The following UBN2 variants were observed in gnomAD, a reference collection of about 807,000 sequenced individuals.
UBN2 encodes the protein ubinuclein-2.
A neutral mutation model predicts 120.2 loss-of-function variants in UBN2; 35 were observed. The ratio of observed to expected loss-of-function variants is 0.29; its 90% confidence interval spans 0.22 to 0.39. UBN2 has a LOEUF of 0.39. Ranked by LOEUF, UBN2 falls within the 10% of genes least tolerant of loss-of-function variation. UBN2 has a pLI of 1.00. For missense variants in UBN2, 1,693 were observed against 1,663.2 expected (o/e 1.02, Z -0.31); for synonymous variants, 661 against 648.7 (o/e 1.02, Z -0.29).
chr7:139,280,280 A>G (rs1307565056), intron 13 of UBN2, among the ~76,000 whole-genome samples: 1 of 152,224 alleles, frequency 6.6e-6, no homozygotes, highest in Non-Finnish European at 1.5e-5. Context: ...CACTTATGGA[A>G]TTTAGTACAT....
chr7:139,242,521 C>A (rs1245145871), intron 2 of UBN2, among the ~76,000 whole-genome samples: 1 of 152,046 alleles, frequency 6.6e-6, no homozygotes, highest in Non-Finnish European at 1.5e-5. Context: ...ATTACATGTA[C>A]AATAAAAACA....
chr7:139,272,070 CTA>C (rs983008912), intron 8 of UBN2, among the ~76,000 whole-genome samples: 27 of 152,110 alleles, frequency 1.8e-4, no homozygotes, highest in African/African-American at 6.5e-4. Flanking sequence ...TAATGGAACA[CTA>C]TTAATAATTA....
chr7:139,249,427 T>C (rs1796558936), intron 2 of UBN2, among the ~76,000 whole-genome samples: 1 of 152,208 alleles, frequency 6.6e-6, no homozygotes, highest in Non-Finnish European at 1.5e-5. Flanking sequence ...CTGGCATAAC[T>C]TTTTTCCCTC....
chr7:139,278,331 G>A (rs529268142), intron 12 of UBN2, among the ~76,000 whole-genome samples: 3 of 151,902 alleles, frequency 2.0e-5, no homozygotes, highest in East Asian at 3.9e-4. Flanking sequence ...ACAGGCGTGC[G>A]CCACCACGCC....
chr7:139,238,068 C>T (rs951970187), intron 2 of UBN2, among the ~76,000 whole-genome samples: 4 of 152,122 alleles, frequency 2.6e-5, no homozygotes, highest in African/African-American at 9.7e-5. Context: ...GTAGAAAGCC[C>T]CACTCCTCAC....
the UBN2 span, among the ~76,000 whole-genome samples, chr7:139,318,243 A>G: frequency 6.6e-6 from 1 of 152,146 alleles, no homozygotes; most frequent in African/African-American, 2.4e-5. Flanking sequence ...CTGGTGACAT[A>G]TAGTCAGGGG....
rs537477134 is a variant in UBN2 at position 139,246,809 on chromosome 7, G to C, written c.562-5147G>C. 4.4e-4 allele frequency among the ~76,000 whole-genome samples: 67 copies of C among 152,204 alleles called. 2 individuals carry two copies. The South Asian group carries it at 0.013, about 29-fold the overall frequency. On this transcript the variant is annotated intron_variant, in intron 2 of 17. Transcript: ENST00000473989. ...GCCTTTTCTAGGGTTTCCTGTAAAT[G>C]GAATCTCATGTCTTCTGCGTCTGGG...
Position 139,302,965 on chromosome 7 carries a change from T to A in UBN2, c.*5129T>A, listed in dbSNP as rs6965645. On this transcript the variant is annotated 3_prime_UTR_variant, in exon 18 of 18. Transcript: ENST00000473989. ...TTGGTAAGGTGCGCTAGACTAAACA[T>A]GTGACAAGGCTAGCGTTAGAACCGC... 1 of 152,158 alleles carries A rather than the reference T, an allele frequency of 6.6e-6. No homozygotes were observed. Among genetic ancestry groups the A allele is most frequent in the Admixed American group, 6.5e-5 (1 of 15,280 alleles). The allele number at this position is 152,158 out of a possible 1,614,324, so 9.4% of individuals were successfully genotyped here.
Position 139,261,534 on chromosome 7 carries a change from T to C in UBN2, c.1188T>C (p.Ala396=), listed in dbSNP as rs1232309163. The C allele has an allele frequency of 3.7e-6, 6 of 1,614,208 alleles. No homozygotes were observed. The highest frequency in any genetic ancestry group is 3.3e-4 in the Middle Eastern group (2 of 6,062). ...ATGAACATGAGCTGTTTCAGGAAGC[T>C]GAAAATGCCCTAGAGATGCTAGATG... ...STNEHELFQE[A]ENALEMLDDF... is the part of the protein sequence containing the mutation. Residue 396 remains alanine (A), a synonymous_variant, in exon 6 of 18, where the codon GCT becomes GCC. Transcript: ENST00000473989.
chr7:139,277,480 A>G (rs1249209802), intron 12 of UBN2: 2 of 152,236 alleles, frequency 1.3e-5, no homozygotes, highest in Admixed American at 6.5e-5. Flanking sequence ...AGAAAATGTT[A>G]AGAAAATCAT....
intron 4 of UBN2, 70 bp downstream of exon 4, chr7:139,258,695 T>C: frequency 7.4e-7 from 1 of 1,344,806 alleles, no homozygotes; most frequent in Non-Finnish European, 9.9e-7. Context: ...ATGTTACTTG[T>C]GTCACACGTG....
rs201451027 is a variant in UBN2 at position 139,231,842 on chromosome 7, C to T, written c.358C>T (p.Pro120Ser). The T allele has an allele frequency of 3.8e-4, 583 of 1,538,386 alleles. 3 individuals carry two copies. In the African/African-American group the frequency reaches 7.1e-3, roughly 19 times the overall value. The stretch of plus-strand genomic sequence containing the variant: ...GTCGGCTTCCCGGGCTGAGCAGCCG[C>T]CGCGGCCGCCGAGGGAGACGGTGCG... Reference protein sequence around the residue: ...RESASRAEQPPRPPRETVRLE... With the variant: ...RESASRAEQPSRPPRETVRLE... The change falls in exon 1 of 18, where the codon CCG (proline) becomes TCG (serine). Residue 120 changes from proline to serine, a missense_variant. Pro to Ser is a moderately conservative substitution (Grantham distance 74). Transcript: ENST00000473989.
chr7:139,279,087 T>C (rs1185261308), intron 12 of UBN2, among the ~76,000 whole-genome samples: 1 of 152,172 alleles, frequency 6.6e-6, no homozygotes, highest in Non-Finnish European at 1.5e-5. Context: ...TTTTTAAAAA[T>C]TGTATTATCT....
chr7:139,266,656 A>G (rs538912493), intron 7 of UBN2, among the ~76,000 whole-genome samples: 2 of 152,372 alleles, frequency 1.3e-5, no homozygotes, highest in South Asian at 2.1e-4. Flanking sequence ...TGCAGGTTGG[A>G]TATTAAGCTA....
chr7:139,260,908 C>T lies in UBN2; in HGVS notation c.906-344C>T, dbSNP rs147581077. ...GGGTTGTATAACAGTGACTGAAACA[C>T]GGGGCTGCCTTTAAGATGCTAATAA... On this transcript the variant is annotated intron_variant, in intron 5 of 17. Transcript: ENST00000473989. Among the ~76,000 whole-genome samples the T allele has an allele frequency of 2.4e-4, 37 of 152,232 alleles. No individual in the cohort carries two copies. The East Asian group carries it at 4.4e-3, about 18-fold the overall frequency.
chr7:139,274,980 CAAGGGTT>C (rs1180793562), intron 11 of UBN2, among the ~76,000 whole-genome samples: 2 of 151,740 alleles, frequency 1.3e-5, no homozygotes, highest in African/African-American at 4.8e-5. Flanking sequence ...TTTAAAGTCT[CAAGGGTT>C]AAGAATGTGG....
In UBN2 at chr7:139,288,752, C is replaced by T. The variant is rs2131052266; in HGVS notation, c.3669+4178C>T. Among the ~76,000 whole-genome samples, 4 of 152,018 alleles carry T rather than the reference C, an allele frequency of 2.6e-5. No individual in the cohort carries two copies. In the South Asian group the frequency reaches 8.3e-4, roughly 32 times the overall value. Reference sequence around the variant, plus strand: ...GTCGTGGTGGCTCATGCCTGTAAACCCAGGACTTTGGGAGGCCGAGGTGAG... The same window carrying T: ...GTCGTGGTGGCTCATGCCTGTAAACTCAGGACTTTGGGAGGCCGAGGTGAG... On this transcript the variant is annotated intron_variant, in intron 15 of 17. Coordinates refer to ENST00000473989, the MANE Select transcript of UBN2 (RefSeq NM_173569.4).
intron 2 of UBN2, among the ~76,000 whole-genome samples, chr7:139,239,584 T>C (rs995669975): frequency 7.5e-6 from 1 of 133,646 alleles, no homozygotes; most frequent in African/African-American, 3.0e-5. Context: ...TGAGGCAGAG[T>C]TTCACTCTTG....
In UBN2 at chr7:139,261,575, G is replaced by C; in HGVS notation, c.1229G>C (p.Arg410Thr). Residue 410 changes from arginine (R) to threonine (T), a missense_variant, in exon 6 of 18, where the codon AGA becomes ACA. By Grantham distance (71) the Arg-to-Thr change is moderately conservative (BLOSUM62 -1). Transcript: ENST00000473989. ...LEMLDDFDFD[R>T]LLDAASDGSP... is the part of the protein sequence containing the mutation. The stretch of plus-strand genomic sequence containing the variant: ...ATGCTAGATGATTTTGACTTCGACA[G>C]ATTACTGGATGCTGCTTCTGATGGT... 1 of 1,614,228 alleles carries C rather than the reference G, an allele frequency of 6.2e-7. No individual in the cohort carries two copies. The highest frequency in any genetic ancestry group is 8.5e-7 in the Non-Finnish European group (1 of 1,180,044).
Sources: gnomAD v4.1 joint callset for allele counts (sites outside exome capture counted in the v4.1 genomes callset) on GRCh38, gnomAD v4.1.1 for gene constraint, MANE v1.5 for transcripts, NCBI Gene and HGNC (gene_info 2026-07-23, HGNC 2026-07-21) for gene names.